Variants in PKHD1 observed in about 807,000 individuals in gnomAD.
The protein encoded by PKHD1 is fibrocystin.
A neutral mutation model predicts 412.0 loss-of-function variants in PKHD1; 291 were observed. That is an observed-to-expected ratio of 0.71 (90% confidence interval 0.64 to 0.78). The LOEUF (loss-of-function observed/expected upper bound fraction) is 0.78, where lower values mean the gene tolerates loss of function less well. Ranked by LOEUF, PKHD1 falls within the 30% of genes least tolerant of loss-of-function variation. PKHD1 has a pLI of 0.00. For missense variants in PKHD1, 4,825 were observed against 4,950.7 expected, an observed-to-expected ratio of 0.97 and a Z score of 0.76; for synonymous variants, 1,777 against 1,821.5, an observed-to-expected ratio of 0.98 and a Z score of 0.62.
chr6:51,648,938 G>A (rs1770494450), intron 62 of PKHD1, 147 bp downstream of exon 62: 4 of 760,258 alleles, frequency 5.3e-6, no homozygotes, highest in South Asian at 1.5e-5. Context: ...AGGAAAATGT[G>A]AAAGTAGTGA....
At chr6:51,809,217 ACT>A (rs1447998323) in intron 52 of PKHD1, among the ~76,000 whole-genome samples, 3 of 152,024 alleles carry the variant, frequency 2.0e-5, no homozygotes, top group Admixed American at 6.6e-5. Context: ...TTAATATAAG[ACT>A]CTAGTTCGTC....
Position 51,616,852 on chromosome 6 carries a change from G to C in PKHD1, c.*2229C>G, listed in dbSNP as rs923724403. 3.1e-5 allele frequency: 12 copies of C among 392,484 alleles called. No individual in the cohort carries two copies. Among genetic ancestry groups the C allele is most frequent in the Non-Finnish European group, 5.4e-5 (12 of 222,494 alleles). The allele number at this position is 392,484 out of a possible 1,614,324, so 24.3% of individuals were successfully genotyped here. On this transcript the variant is annotated 3_prime_UTR_variant, in exon 67 of 67. Transcript: ENST00000371117. ...GGGTAAAGAAGGGGCAGAAATAACAGAGCTGGCAGCTAACTCTTTGTGAAG... is the reference window on the plus strand; with the variant it reads ...GGGTAAAGAAGGGGCAGAAATAACACAGCTGGCAGCTAACTCTTTGTGAAG...
intron 60 of PKHD1, 45 bp from the exon 61 acceptor site, chr6:51,660,014 C>A (rs1772583419): frequency 8.6e-7 from 1 of 1,158,436 alleles, no homozygotes; most frequent in Non-Finnish European, 1.3e-6. Context: ...GAATTATAAT[C>A]TGTCAATGAT....
rs1172530366 is a variant in PKHD1, at chr6:52,024,821, A to C, written c.4989T>G (p.Ile1663Met). 2.4e-5 allele frequency: 39 copies of C among 1,614,098 alleles called. No individual in the cohort carries two copies. In the Admixed American group the frequency reaches 6.5e-4, roughly 27 times the overall value. ...NKAFTPELIS[I>M]SQSDDILTFA... ...AGGTTAAGATGTCATCGCTCTGAGAAATAGAGATCAATTCTGGGGTAAAGG... is the reference window on the plus strand; with the variant it reads ...AGGTTAAGATGTCATCGCTCTGAGACATAGAGATCAATTCTGGGGTAAAGG... Residue 1663 changes from isoleucine (I) to methionine (M), a missense_variant, in exon 32 of 67, where the codon ATT (isoleucine) becomes ATG (methionine). Coordinates refer to ENST00000371117, the MANE Select transcript of PKHD1 (RefSeq NM_138694.4).
At position 52,050,240 on chromosome 6, in the gene PKHD1, G is replaced by A; in HGVS notation, c.2196C>T (p.Val732=). ...ARPGGNLVES[V]SVVGSPPVYS... is the part of the protein sequence containing the mutation. ...AGACCGGAGGGGATCCCACCACAGA[G>A]ACTGATTCCACCAGATTGCCCCCTG... The change falls in exon 22 of 67, where the codon GTC becomes GTT. Residue 732 remains valine, a synonymous_variant. Transcript: ENST00000371117. 3.7e-6 allele frequency: 6 copies of A among 1,614,178 alleles called. No homozygotes were observed. Among genetic ancestry groups the A allele is most frequent in the Non-Finnish European group, 5.1e-6 (6 of 1,179,988 alleles).
intron 27 of PKHD1, 136 bp from the exon 28 acceptor site, chr6:52,035,857 G>T: frequency 1.2e-6 from 1 of 854,460 alleles, no homozygotes; most frequent in Non-Finnish European, 1.9e-6. Flanking sequence ...TCAAACTGCA[G>T]GAAAAAAACT....
rs571430933 is a variant in PKHD1 at position 52,000,355 on chromosome 6, C to G, written c.5751+9954G>C. Among the ~76,000 whole-genome samples, 7 of 152,204 alleles carry G rather than the reference C, an allele frequency of 4.6e-5. No homozygotes were observed. The South Asian group carries it at 1.5e-3, about 32-fold the overall frequency. The stretch of plus-strand genomic sequence containing the variant: ...TGTACCATCTATAGCAATTTCATAG[C>G]AAGCAGGCCTCTCTGCAGGATAGCT... On this transcript the variant is annotated intron_variant, in intron 35 of 66. Transcript: ENST00000371117.
At chr6:51,769,769 T>G (rs1300064782) in intron 55 of PKHD1, among the ~76,000 whole-genome samples, 3 of 151,472 alleles carry the variant, frequency 2.0e-5, no homozygotes, top group African/African-American at 7.2e-5. Flanking sequence ...AAAGTTTGTT[T>G]GCTTATTCAA....
intron 14 of PKHD1, among the ~76,000 whole-genome samples, chr6:52,061,105 C>T (rs936177570): frequency 2.6e-5 from 4 of 152,178 alleles, no homozygotes; most frequent in Non-Finnish European, 5.9e-5. Context: ...TTCCTTTGAA[C>T]ATTATTAAAT....
chr6:52,085,212 C>T (rs1469512378), intron 1 of PKHD1, among the ~76,000 whole-genome samples, 195 bp from the exon 2 acceptor site: 1 of 148,468 alleles, frequency 6.7e-6, no homozygotes, highest in Non-Finnish European at 1.5e-5. Context: ...CCACTCTGCC[C>T]TCCTTGTCCC....
intron 37 of PKHD1, among the ~76,000 whole-genome samples, chr6:51,928,499 A>T (rs1786047164): frequency 6.6e-6 from 1 of 151,920 alleles, no homozygotes; most frequent in Non-Finnish European, 1.5e-5. Context: ...ATGAAATCAC[A>T]GGTAATATTT....
intron 60 of PKHD1, among the ~76,000 whole-genome samples, chr6:51,734,963 G>A (rs376741895): frequency 1.3e-5 from 2 of 152,192 alleles, no homozygotes; most frequent in East Asian, 1.9e-4. Flanking sequence ...TAGAACCAAT[G>A]CCACATGGAT....
intron 35 of PKHD1, among the ~76,000 whole-genome samples, chr6:52,010,074 C>T (rs1029166005): frequency 6.6e-6 from 1 of 152,000 alleles, no homozygotes; most frequent in Non-Finnish European, 1.5e-5. Context: ...ATTATCTGCT[C>T]AGAATTTGCT....
intron 60 of PKHD1, among the ~76,000 whole-genome samples, chr6:51,709,351 G>A (rs1359880080): frequency 6.6e-6 from 1 of 152,198 alleles, no homozygotes; most frequent in Non-Finnish European, 1.5e-5. Context: ...AGGGGTGTAT[G>A]ACTAGGACAA....
intron 45 of PKHD1, among the ~76,000 whole-genome samples, chr6:51,884,388 T>G (rs1350421079): frequency 6.6e-6 from 1 of 152,208 alleles, no homozygotes; most frequent in Non-Finnish European, 1.5e-5. Context: ...TATATATCTA[T>G]CTTTGTGCCC....
At chr6:52,029,835 C>T (rs936533024) in intron 29 of PKHD1, among the ~76,000 whole-genome samples, 36 of 152,208 alleles carry the variant, frequency 2.4e-4, no homozygotes, top group African/African-American at 8.4e-4. Context: ...GTCTGCTTAA[C>T]TCAGTGGACG....
At position 52,082,375 on chromosome 6, in the gene PKHD1, T is replaced by G. The variant is rs776665144; in HGVS notation, c.281+17A>C. 1 of 1,612,628 alleles carries G rather than the reference T, an allele frequency of 6.2e-7. No individual in the cohort carries two copies. The highest frequency in any genetic ancestry group is 1.1e-5 in the South Asian group (1 of 91,040). The stretch of plus-strand genomic sequence containing the variant: ...TCCCTCATCCTGTCTGGTCTTCCTA[T>G]TCCCAGACAGGTATACCTGGTCCGG... On this transcript the variant is annotated intron_variant, in intron 4 of 66. Coordinates refer to ENST00000371117, the MANE Select transcript of PKHD1 (RefSeq NM_138694.4).
At chr6:51,644,315 C>A (rs1298564750) in intron 63 of PKHD1, among the ~76,000 whole-genome samples, 5 of 151,876 alleles carry the variant, frequency 3.3e-5, no homozygotes, top group Non-Finnish European at 5.9e-5. Flanking sequence ...AGACAAATAA[C>A]AAAAAATTAA....
intron 60 of PKHD1, among the ~76,000 whole-genome samples, chr6:51,700,367 C>T (rs1474822774): frequency 6.6e-6 from 1 of 152,076 alleles, no homozygotes; most frequent in African/African-American, 2.4e-5. Context: ...TCTCTGGCTA[C>T]ACAACCTCAC....
Sources: gnomAD v4.1 joint callset for allele counts (sites outside exome capture counted in the v4.1 genomes callset) on GRCh38, gnomAD v4.1.1 for gene constraint, MANE v1.5 for transcripts, NCBI Gene and HGNC (gene_info 2026-07-23, HGNC 2026-07-21) for gene names.